The following LCORL variants were observed in gnomAD, a reference collection of about 807,000 sequenced individuals.
The protein encoded by LCORL is ligand-dependent nuclear receptor corepressor-like protein.
Under a neutral mutation model 141.8 loss-of-function variants are expected in LCORL, and 41 were observed. That is an observed-to-expected ratio of 0.29 (90% CI 0.23 to 0.38). LCORL has a LOEUF of 0.38. Ranked by LOEUF, LCORL falls within the 10% of genes least tolerant of loss-of-function variation. The pLI is 1.00. For missense variants in LCORL, 1,759 were observed against 2,035.0 expected (o/e 0.86, Z 2.61); for synonymous variants, 618 against 694.1 (o/e 0.89, Z 1.72).
chr4:17,848,859 C>T (rs531562143), intron 7 of LCORL, among the ~76,000 whole-genome samples: 4 of 152,322 alleles, frequency 2.6e-5, no homozygotes, highest in Non-Finnish European at 4.4e-5. Context: ...GCTTAAAAAA[C>T]GGCACACCAG....
At chr4:17,886,568 A>C (rs1190431515) in intron 5 of LCORL, among the ~76,000 whole-genome samples, 1 of 152,060 alleles carries the variant, frequency 6.6e-6, no homozygotes, top group Admixed American at 6.6e-5. Flanking sequence ...AGAAAATGTG[A>C]TGATGAGTAA....
chr4:17,888,418 T>C (rs1283916041), intron 5 of LCORL, among the ~76,000 whole-genome samples: 2 of 152,138 alleles, frequency 1.3e-5, no homozygotes, highest in African/African-American at 4.8e-5. Flanking sequence ...ATGTAACTAC[T>C]TGAATTCCCT....
intron 4 of LCORL, among the ~76,000 whole-genome samples, chr4:17,920,522 T>C (rs1212345768): frequency 6.6e-6 from 1 of 152,178 alleles, no homozygotes; most frequent in East Asian, 1.9e-4. Flanking sequence ...GGCAATTTCT[T>C]ACATTAAGAC....
chr4:17,911,060 T>C (rs1258148132), intron 4 of LCORL, among the ~76,000 whole-genome samples: 2 of 152,180 alleles, frequency 1.3e-5, no homozygotes, highest in Non-Finnish European at 2.9e-5. Flanking sequence ...TCTCCATGCC[T>C]CAGTTTCTAC....
chr4:17,967,452 C>T (rs1023149928), intron 2 of LCORL, among the ~76,000 whole-genome samples: 1 of 151,992 alleles, frequency 6.6e-6, no homozygotes, highest in African/African-American at 2.4e-5. Context: ...ATAAAATATG[C>T]TAATATACAG....
chr4:17,873,853 T>C lies in LCORL; in HGVS notation c.5137A>G (p.Asn1713Asp), dbSNP rs1373575198. The change falls in exon 7 of 8, where the codon AAT (asparagine) becomes GAT (aspartate). Residue 1713 changes from asparagine (N) to aspartate (D), a missense_variant. This residue lies in a region of LCORL where 313 missense variants were observed against 336.1 expected (regional missense o/e 0.93). Transcript: ENST00000635767. ...GACCTCCAACTATTAGGACATACAT[T>C]TTCTAGTCTTGGTCCCTTTTGAAAG... 5 of 1,233,876 alleles carry C rather than the reference T, an allele frequency of 4.1e-6. No individual in the cohort carries two copies. In the African/African-American group the frequency reaches 6.2e-5, roughly 15 times the overall value. 76.4% of individuals were successfully genotyped at this position (1,233,876 alleles called of 1,614,324 possible).
At chr4:17,902,972 C>T (rs1003694270) in intron 5 of LCORL, among the ~76,000 whole-genome samples, 7 of 152,014 alleles carry the variant, frequency 4.6e-5, no homozygotes, top group Admixed American at 4.6e-4. Context: ...TATCATGACA[C>T]AATGTTCCAC....
intron 7 of LCORL, among the ~76,000 whole-genome samples, chr4:17,855,514 C>T (rs1301278018): frequency 6.6e-6 from 1 of 152,148 alleles, no homozygotes; most frequent in African/African-American, 2.4e-5. Context: ...CTATCAATAT[C>T]AAATTGATTG....
At chr4:18,003,354 T>C (rs1036521666) in intron 1 of LCORL, among the ~76,000 whole-genome samples, 1 of 152,172 alleles carries the variant, frequency 6.6e-6, no homozygotes, top group Non-Finnish European at 1.5e-5. Flanking sequence ...TAAGATATAT[T>C]TGAAAACATA....
rs1726957895 is a variant in LCORL, at chr4:17,876,676, T to C, written c.2314A>G (p.Thr772Ala). ...CCTGGAGGCACAATATTTCGTTTAG[T>C]TCTGCTCAAAAGTCCAGAAACATCA... The change falls in exon 7 of 8, where the codon ACT becomes GCT. Residue 772 changes from threonine (T) to alanine (A), a missense_variant. By Grantham distance (58) the Thr-to-Ala change is moderately conservative (BLOSUM62 0). Around this residue, in one of 5 missense-constraint regions of LCORL, gnomAD observed 1,311 missense variants for 1,531.3 expected, o/e 0.86. Transcript: ENST00000635767. 2.0e-5 allele frequency: 25 copies of C among 1,230,824 alleles called. No homozygotes were observed. In the East Asian group the frequency reaches 7.9e-4, roughly 39 times the overall value. 76.2% of individuals were successfully genotyped at this position (1,230,824 alleles called of 1,614,324 possible).
At chr4:17,955,373 G>C (rs1166467565) in intron 4 of LCORL, among the ~76,000 whole-genome samples, 1 of 152,172 alleles carries the variant, frequency 6.6e-6, no homozygotes, top group African/African-American at 2.4e-5. Context: ...GGATTGAAAA[G>C]AGAAGGGAAG....
chr4:17,948,997 T>A (rs1193123347), intron 4 of LCORL, among the ~76,000 whole-genome samples: 2 of 151,766 alleles, frequency 1.3e-5, no homozygotes, highest in Non-Finnish European at 2.9e-5. Flanking sequence ...AATTAAGGGG[T>A]TTAACAGATA....
Position 17,881,851 on chromosome 4 carries a change from T to C in LCORL, c.777-3638A>G, listed in dbSNP as rs78493483. 476 of 984,012 alleles carry C rather than the reference T, an allele frequency of 4.8e-4. 2 individuals are homozygous for C. In the African/African-American group the frequency reaches 7.3e-3, roughly 15 times the overall value. 61.0% of individuals were successfully genotyped at this position (984,012 alleles called of 1,614,324 possible). On this transcript the variant is annotated intron_variant, in intron 6 of 7. Coordinates refer to ENST00000635767, the Ensembl canonical transcript of LCORL. ...CTTTACCTTTAACTTTGCTTTCCAT[T>C]GGGGGAAGGGGGAAATATACTAAAT...
chr4:17,928,633 T>G (rs1316139444), intron 4 of LCORL, among the ~76,000 whole-genome samples: 1 of 152,166 alleles, frequency 6.6e-6, no homozygotes, highest in African/African-American at 2.4e-5. Context: ...AACATGGTAC[T>G]TAATGGTGAA....
intron 1 of LCORL, among the ~76,000 whole-genome samples, chr4:17,986,349 T>C (rs931673052): frequency 2.6e-5 from 4 of 152,208 alleles, no homozygotes; most frequent in Admixed American, 2.6e-4. Flanking sequence ...TGAAATATGT[T>C]TTCCAAGTTG....
chr4:17,867,398 T>C lies in LCORL; in HGVS notation c.5602+5990A>G, dbSNP rs76368508. Among the ~76,000 whole-genome samples, 670 of 152,324 alleles carry C rather than the reference T, an allele frequency of 4.4e-3. 2 individuals carry two copies. Among genetic ancestry groups the C allele is most frequent in the African/African-American group, 0.015 (631 of 41,572 alleles). ...GCTTTATGGTGTCTTGTTGCAACTA[T>C]TCAGCTTCTGCAGCACAAAAATAGC... On this transcript the variant is annotated intron_variant, in intron 7 of 7. Coordinates refer to ENST00000635767, the Ensembl canonical transcript of LCORL.
intron 7 of LCORL, among the ~76,000 whole-genome samples, chr4:17,856,506 G>A (rs1724382573): frequency 6.6e-6 from 1 of 152,148 alleles, no homozygotes; most frequent in Non-Finnish European, 1.5e-5. Context: ...AAAACTTTGA[G>A]AAAATAATTT....
chr4:17,909,715 A>T (rs1417725982), intron 4 of LCORL, among the ~76,000 whole-genome samples: 1 of 152,124 alleles, frequency 6.6e-6, no homozygotes, highest in Non-Finnish European at 1.5e-5. Context: ...TGTATAAGTA[A>T]CCAATTTTTA....
At chr4:17,938,644 C>T (rs1737304011) in intron 4 of LCORL, among the ~76,000 whole-genome samples, 2 of 151,796 alleles carry the variant, frequency 1.3e-5, no homozygotes, top group African/African-American at 2.4e-5. Context: ...AACTCCTGAC[C>T]TCAGGTGATC....
Sources: gnomAD v4.1 joint callset for allele counts (sites outside exome capture counted in the v4.1 genomes callset) on GRCh38, gnomAD v4.1.1 for gene constraint, gnomAD v4.1.1 regional missense constraint, MANE v1.5 for transcripts, NCBI Gene and HGNC (gene_info 2026-07-23, HGNC 2026-07-21) for gene names.